Variants in PPIG observed in about 807,000 individuals in gnomAD.
PPIG encodes peptidylprolyl isomerase G.
PPIG carries 26 observed loss-of-function variants against 87.9 expected under a neutral mutation model. That is an observed-to-expected ratio of 0.30 (90% CI 0.22 to 0.41). The LOEUF (loss-of-function observed/expected upper bound fraction) is 0.41. Among genes scored for constraint, PPIG ranks in the 10% least tolerant of loss-of-function variants. PPIG has a pLI of 1.00. For synonymous variants in PPIG, 308 were observed against 276.5 expected (o/e 1.11, Z -1.13); for missense variants, 722 against 879.4 (o/e 0.82, Z 2.26).
intron 1 of PPIG, among the ~76,000 whole-genome samples, chr2:169,585,756 A>G (rs1365728578): frequency 6.6e-6 from 1 of 152,192 alleles, no homozygotes; most frequent in African/African-American, 2.4e-5. Flanking sequence ...TTTGGTACTA[A>G]CATAGTTGTC....
intron 13 of PPIG, 77 bp from the exon 14 acceptor site, chr2:169,636,336 A>T (rs1686179903): frequency 6.8e-7 from 1 of 1,464,978 alleles, no homozygotes; most frequent in Non-Finnish European, 9.1e-7. Context: ...TAAGAAAAGT[A>T]GAATATCATT....
At chr2:169,619,243 T>G (rs753473954) in intron 9 of PPIG, among the ~76,000 whole-genome samples, 7 of 152,196 alleles carry the variant, frequency 4.6e-5, no homozygotes, top group Non-Finnish European at 1.0e-4. Flanking sequence ...ACTTGACTGT[T>G]AGGATTTCCA....
At chr2:169,607,210 CTA>C (rs1204705036) in intron 6 of PPIG, 62 bp downstream of exon 6, 1 of 1,060,608 alleles carries the variant, frequency 9.4e-7, no homozygotes, top group Non-Finnish European at 1.4e-6. Flanking sequence ...ATTTTATTCT[CTA>C]TGGAATCAAT....
rs997242538 is a variant in PPIG at position 169,612,707 on chromosome 2, A to G, written c.378-1757A>G. ...TGAAGTCCATTTTTTATGGCTGTGT[A>G]ATATTCCACTATATGTATATACCAC... On this transcript the variant is annotated intron_variant, in intron 7 of 13. Coordinates refer to ENST00000260970, the MANE Select transcript of PPIG (RefSeq NM_004792.3). Among the ~76,000 whole-genome samples, 13 of 152,220 alleles carry G rather than the reference A, an allele frequency of 8.5e-5. No individual in the cohort carries two copies. In the East Asian group the frequency reaches 2.3e-3, roughly 27 times the overall value.
chr2:169,635,115 C>A (rs1265130074), intron 12 of PPIG, among the ~76,000 whole-genome samples: 2 of 151,702 alleles, frequency 1.3e-5, no homozygotes, highest in East Asian at 3.9e-4. Context: ...TAGTTTTGAC[C>A]CCGAGTCTTT....
rs1034439217 is a variant in PPIG, at chr2:169,614,452, G to A, written c.378-12G>A. 1 of 1,540,424 alleles carries A rather than the reference G, an allele frequency of 6.5e-7. No individual in the cohort carries two copies. The highest frequency in any genetic ancestry group is 1.4e-5 in the African/African-American group (1 of 72,262). On this transcript the variant is annotated splice_polypyrimidine_tract_variant and intron_variant, in intron 7 of 13. Coordinates refer to ENST00000260970, the MANE Select transcript of PPIG (RefSeq NM_004792.3). ...CTTTGTTTTTATTCTTCTATCTGATGATTTCCAAAAGAACAACGAAACCAA... is the reference window on the plus strand; with the variant it reads ...CTTTGTTTTTATTCTTCTATCTGATAATTTCCAAAAGAACAACGAAACCAA...
At chr2:169,627,954 CTG>C (rs1481571380) in intron 9 of PPIG, among the ~76,000 whole-genome samples, 1 of 151,786 alleles carries the variant, frequency 6.6e-6, no homozygotes, top group Non-Finnish European at 1.5e-5. Context: ...AATTTATTTT[CTG>C]TGTTAGATTT....
At chr2:169,623,184 C>T (rs1173838760) in intron 9 of PPIG, among the ~76,000 whole-genome samples, 1 of 152,076 alleles carries the variant, frequency 6.6e-6, no homozygotes, top group Non-Finnish European at 1.5e-5. Flanking sequence ...AGCTGCATCC[C>T]CTGTAGAGGC....
chr2:169,632,734 G>C (rs1475426320), intron 11 of PPIG, among the ~76,000 whole-genome samples: 1 of 136,480 alleles, frequency 7.3e-6, no homozygotes, highest in African/African-American at 2.9e-5. Flanking sequence ...GACAGAGTGA[G>C]ACTCCGTCTC....
At position 169,637,518 on chromosome 2, in the gene PPIG, G is replaced by A. The variant is rs1156465343; in HGVS notation, c.2260G>A (p.Gly754Arg). 2 of 1,567,144 alleles carry A rather than the reference G, an allele frequency of 1.3e-6. No individual in the cohort carries two copies. The highest frequency in any genetic ancestry group is 8.6e-7 in the Non-Finnish European group (1 of 1,165,316). The stretch of plus-strand genomic sequence containing the variant: ...CCCTGGAACAGATGAAGACAAAAGC[G>A]GATGAGTGAGTTATATAAACTTACT... The part of the protein sequence containing the change: ...SSPGTDEDKS[G>R] The change falls in exon 14 of 14, where the codon GGA becomes AGA. Residue 754 changes from glycine to arginine, a missense_variant. By Grantham distance (125) the Gly-to-Arg change is moderately radical. Coordinates refer to ENST00000260970, the MANE Select transcript of PPIG (RefSeq NM_004792.3).
At chr2:169,628,044 A>G (rs1300457404) in intron 9 of PPIG, among the ~76,000 whole-genome samples, 1 of 151,998 alleles carries the variant, frequency 6.6e-6, no homozygotes, top group African/African-American at 2.4e-5. Flanking sequence ...TTTTCAGGTT[A>G]TATGTTTTTT....
At chr2:169,624,889 C>T (rs879285688) in intron 9 of PPIG, among the ~76,000 whole-genome samples, 1 of 152,070 alleles carries the variant, frequency 6.6e-6, no homozygotes, top group Non-Finnish European at 1.5e-5. Context: ...CGCGCCCAGC[C>T]GGAAGTAGGT....
At chr2:169,607,993 G>C (rs1685379665) in intron 6 of PPIG, among the ~76,000 whole-genome samples, 2 of 152,114 alleles carry the variant, frequency 1.3e-5, no homozygotes, top group African/African-American at 4.8e-5. Flanking sequence ...TCAACCTGCT[G>C]AGTAGCTAGG....
intron 9 of PPIG, among the ~76,000 whole-genome samples, chr2:169,623,451 A>G (rs1685806821): frequency 6.6e-6 from 1 of 152,246 alleles, no homozygotes; most frequent in South Asian, 2.1e-4. Context: ...AAACTAAGAG[A>G]TGAGAGGATT....
At chr2:169,602,761 G>T (rs1217987589) in intron 1 of PPIG, among the ~76,000 whole-genome samples, 1 of 152,178 alleles carries the variant, frequency 6.6e-6, no homozygotes, top group African/African-American at 2.4e-5. Context: ...TTTAGGCAGG[G>T]GAAGGATATG....
chr2:169,587,575 T>C (rs1348257193), intron 1 of PPIG, among the ~76,000 whole-genome samples: 1 of 152,180 alleles, frequency 6.6e-6, no homozygotes, highest in East Asian at 1.9e-4. Flanking sequence ...AACTTCAATT[T>C]TCATGTTGCT....
chr2:169,604,101 T>G lies in PPIG; in HGVS notation c.60T>G (p.Pro20=), dbSNP rs754574763. ...TTGACATTGCCATTAACAATCAACC[T>G]GGTAAGAATATTAGTTGACATTTAT... The part of the protein sequence containing the change: ...CFFDIAINNQ[P]AGRVVFELFS... Residue 20 remains proline, a splice_region_variant and synonymous_variant, in exon 3 of 14, where the codon CCT becomes CCG. Transcript: ENST00000260970. 1.3e-5 allele frequency: 21 copies of G among 1,612,832 alleles called. No homozygotes were observed. In the East Asian group the frequency reaches 4.5e-4, roughly 34 times the overall value.
Position 169,631,805 on chromosome 2 carries a change from A to C in PPIG, c.801A>C (p.Gln267His), listed in dbSNP as rs753768508. The C allele has an allele frequency of 1.9e-6, 3 of 1,613,770 alleles. No individual in the cohort carries two copies. Among genetic ancestry groups the C allele is most frequent in the Middle Eastern group, 1.7e-4 (1 of 6,058 alleles). ...SESEAENLEAQPQSTVRPEEI... is the reference protein window; with the variant it reads ...SESEAENLEAHPQSTVRPEEI... ...GTGAAGCTGAAAATCTTGAAGCACA[A>C]CCCCAGTCTACTGTCCGTCCAGAAG... The change falls in exon 11 of 14, where the codon CAA (glutamine) becomes CAC (histidine). Residue 267 changes from glutamine (Q) to histidine (H), a missense_variant. By Grantham distance (24) the Gln-to-His change is conservative. Coordinates refer to ENST00000260970, the MANE Select transcript of PPIG (RefSeq NM_004792.3).
Position 169,631,857 on chromosome 2 carries a change from T to C in PPIG, c.853T>C (p.Phe285Leu). 1 of 1,613,376 alleles carries C rather than the reference T, an allele frequency of 6.2e-7. No homozygotes were observed. Among genetic ancestry groups the C allele is most frequent in the South Asian group, 1.1e-5 (1 of 91,072 alleles). Residue 285 changes from phenylalanine to leucine, a missense_variant, in exon 11 of 14, where the codon TTC (phenylalanine) becomes CTC (leucine). This residue lies in a region of PPIG where 142 missense variants were observed against 152.8 expected (regional missense o/e 0.93). Transcript: ENST00000260970. ...GATCCCTCCTATACCTGAAAATAGA[T>C]TCCTAATGAGAAAAAGTCCTCCTAA... is the stretch of plus-strand genomic sequence containing the variant. ...EEIPPIPENR[F>L]LMRKSPPKAD...
Sources: allele counts gnomAD v4.1 joint callset (sites outside exome capture counted in the v4.1 genomes callset), GRCh38; gene constraint gnomAD v4.1.1; regional missense constraint gnomAD v4.1.1; transcripts MANE v1.5; gene names NCBI Gene and HGNC (gene_info 2026-07-23, HGNC 2026-07-21).